The following LMX1B variants were observed in gnomAD, a reference collection of about 807,000 sequenced individuals.
LMX1B encodes the protein LIM homeobox transcription factor 1 beta.
LMX1B carries 12 observed loss-of-function variants against 51.4 expected under a neutral mutation model. The ratio of observed to expected loss-of-function variants is 0.23; its 90% confidence interval spans 0.15 to 0.38. The LOEUF is 0.38. Ranked by LOEUF, LMX1B falls within the 10% of genes least tolerant of loss-of-function variation. The pLI, the probability that LMX1B is intolerant of heterozygous loss-of-function variation, is 1.00. For missense variants in LMX1B, 445 were observed against 571.1 expected, an observed-to-expected ratio of 0.78 and a Z score of 2.25; for synonymous variants, 237 against 235.4, an observed-to-expected ratio of 1.01 and a Z score of -0.06.
chr9:126,693,702 G>A (rs756654861), intron 5 of LMX1B, 44 bp from the exon 6 acceptor site: 2 of 1,576,648 alleles, frequency 1.3e-6, no homozygotes, highest in South Asian at 1.1e-5. Flanking sequence ...GGCTGTGCCT[G>A]GGGGCGAGGG....
At chr9:126,685,189 G>A (rs1043201596) in intron 2 of LMX1B, among the ~76,000 whole-genome samples, 1 of 152,160 alleles carries the variant, frequency 6.6e-6, no homozygotes, top group Non-Finnish European at 1.5e-5. Context: ...GGATGAAGAG[G>A]AGTTTAGCAA....
chr9:126,632,420 G>C (rs1461891287), intron 2 of LMX1B, among the ~76,000 whole-genome samples: 6 of 152,136 alleles, frequency 3.9e-5, no homozygotes, highest in Non-Finnish European at 8.8e-5. Flanking sequence ...CTGGCGGAGG[G>C]GCTGCCGAGG....
rs1032022225 is a variant in LMX1B, at chr9:126,626,535, G to T, written c.326+10966G>T. Among the ~76,000 whole-genome samples the T allele has an allele frequency of 2.6e-5, 4 of 152,122 alleles. No individual in the cohort carries two copies. Among genetic ancestry groups the T allele is most frequent in the African/African-American group, 9.7e-5 (4 of 41,436 alleles). ...GCCAGAAGCCCTGAGCTCACCTCCC[G>T]CCCGTCCTCTCCTGGAGCCCCCTCT... On this transcript the variant is annotated intron_variant, in intron 2 of 7. Transcript: ENST00000373474. This position sits in a 1 kb window ranked among gnomAD's most constrained non-coding sequence, Gnocchi z 4.3.
intron 2 of LMX1B, among the ~76,000 whole-genome samples, chr9:126,644,473 G>A (rs1011784309): frequency 2.0e-5 from 3 of 152,100 alleles, no homozygotes; most frequent in Admixed American, 2.0e-4. Context: ...CTAGGACGGG[G>A]GTAGGGAGTG....
chr9:126,692,444 G>C (rs781611994), intron 3 of LMX1B, among the ~76,000 whole-genome samples: 7 of 152,250 alleles, frequency 4.6e-5, no homozygotes, highest in Non-Finnish European at 1.0e-4. Context: ...TGTGTGCATG[G>C]TGGGTGTGGC....
chr9:126,675,797 C>T (rs1483028578), intron 2 of LMX1B, among the ~76,000 whole-genome samples: 32 of 150,386 alleles, frequency 2.1e-4, no homozygotes, highest in Non-Finnish European at 4.4e-4. Flanking sequence ...CGCCTGTAAT[C>T]CCAGCACTTT....
At chr9:126,674,965 A>G (rs967888792) in intron 2 of LMX1B, among the ~76,000 whole-genome samples, 1 of 152,176 alleles carries the variant, frequency 6.6e-6, no homozygotes, top group Non-Finnish European at 1.5e-5. Context: ...TAAATGGCCC[A>G]CAAGACCGTC....
chr9:126,700,875 G>C lies in LMX1B; in HGVS notation c.*4424G>C, dbSNP rs536992137. 5.3e-5 allele frequency: 8 copies of C among 152,282 alleles called. No individual in the cohort carries two copies. Among genetic ancestry groups the C allele is most frequent in the African/African-American group, 1.9e-4 (8 of 41,544 alleles). 9.4% of individuals were successfully genotyped at this position (152,282 alleles called of 1,614,324 possible). ...CCAGACACATTTTATTTAATAACTT[G>C]TCATTGTTAAATTATTTATTAGCGT... On this transcript the variant is annotated 3_prime_UTR_variant, in exon 8 of 8. Coordinates refer to ENST00000373474, the MANE Select transcript of LMX1B (RefSeq NM_001174147.2).
chr9:126,654,319 C>G (rs546813495), intron 2 of LMX1B, among the ~76,000 whole-genome samples: 11 of 152,262 alleles, frequency 7.2e-5, no homozygotes, highest in South Asian at 2.1e-4. Flanking sequence ...ATGCCTCCCC[C>G]ACTCCAGCCC....
chr9:126,696,335 T>A lies in LMX1B; in HGVS notation c.1093T>A (p.Leu365Ile). Residue 365 changes from leucine to isoleucine, a missense_variant, in exon 8 of 8, where the codon TTA becomes ATA. By Grantham distance (5) the Leu-to-Ile change is conservative. Around this residue, in one of 3 missense-constraint regions of LMX1B, gnomAD observed 162 missense variants for 187.8 expected, o/e 0.86. Coordinates refer to ENST00000373474, the MANE Select transcript of LMX1B (RefSeq NM_001174147.2). ...IFHDIDSDTS[L>I]TSLSDCFLGS... ...CCATGACATCGACAGCGATACCTCC[T>A]TAACCAGCCTCAGCGACTGCTTCCT... The A allele has an allele frequency of 6.2e-7, 1 of 1,614,098 alleles. No homozygotes were observed. The highest frequency in any genetic ancestry group is 8.5e-7 in the Non-Finnish European group (1 of 1,179,996).
rs774459476 is a variant in LMX1B, at chr9:126,693,820, G to A, written c.886+8G>A. The A allele has an allele frequency of 1.4e-4, 169 of 1,248,520 alleles. No homozygotes were observed. Among genetic ancestry groups the A allele is most frequent in the Admixed American group, 3.6e-4 (18 of 50,600 alleles). 77.3% of individuals were successfully genotyped at this position (1,248,520 alleles called of 1,614,324 possible). A position where few individuals can be genotyped will look rare whatever the true frequency, so the allele number is the denominator to read the frequency against. ...CCCAGCGGCTGGGCCAGGGTGAGCCGGGGCCGGGGCAGGGCCTGGGCCAGG... is the reference window on the plus strand; with the variant it reads ...CCCAGCGGCTGGGCCAGGGTGAGCCAGGGCCGGGGCAGGGCCTGGGCCAGG... On this transcript the variant is annotated splice_region_variant and intron_variant, in intron 6 of 7. Transcript: ENST00000373474.
intron 3 of LMX1B, among the ~76,000 whole-genome samples, chr9:126,692,580 G>A (rs1216103335): frequency 1.3e-5 from 2 of 152,248 alleles, no homozygotes; most frequent in East Asian, 1.9e-4. Context: ...AGTTGCACGC[G>A]TGAGGGCCTT....
rs1383102345 is a variant in LMX1B at position 126,625,479 on chromosome 9, A to T, written c.326+9910A>T. Among the ~76,000 whole-genome samples the T allele has an allele frequency of 2.0e-5, 3 of 152,178 alleles. No individual in the cohort carries two copies. The highest frequency in any genetic ancestry group is 7.2e-5 in the African/African-American group (3 of 41,448). On this transcript the variant is annotated intron_variant, in intron 2 of 7. Coordinates refer to ENST00000373474, the MANE Select transcript of LMX1B (RefSeq NM_001174147.2). The surrounding 1 kb of genome is among the most constrained non-coding windows in gnomAD (Gnocchi z 5.3). Reference sequence around the variant, plus strand: ...CACCACCCCCATTAAAGCGGGATTGACCAGAAGAGAGAGGCCGAATGGAGA... The same window carrying T: ...CACCACCCCCATTAAAGCGGGATTGTCCAGAAGAGAGAGGCCGAATGGAGA...
intron 2 of LMX1B, among the ~76,000 whole-genome samples, chr9:126,676,202 T>C (rs1008183307): frequency 6.6e-6 from 1 of 152,142 alleles, no homozygotes; most frequent in Admixed American, 6.5e-5. Flanking sequence ...TCCTTGTTTC[T>C]CAGGACCTTT....
intron 2 of LMX1B, among the ~76,000 whole-genome samples, chr9:126,649,688 C>T (rs1835964855): frequency 6.6e-6 from 1 of 152,196 alleles, no homozygotes. Context: ...TGCAGTGGCG[C>T]AGTCTTGGCT....
chr9:126,674,488 T>C (rs917377070), intron 2 of LMX1B, among the ~76,000 whole-genome samples: 3 of 152,124 alleles, frequency 2.0e-5, no homozygotes, highest in Non-Finnish European at 4.4e-5. Context: ...GCTCCATCTG[T>C]CTCCTCTTGG....
At chr9:126,634,605 C>G (rs1305183636) in intron 2 of LMX1B, among the ~76,000 whole-genome samples, 1 of 152,006 alleles carries the variant, frequency 6.6e-6, no homozygotes, top group Non-Finnish European at 1.5e-5. Context: ...TCTGCACACC[C>G]CCCCCACAAT....
intron 2 of LMX1B, among the ~76,000 whole-genome samples, chr9:126,687,379 C>T (rs2029941376): frequency 2.0e-5 from 3 of 152,088 alleles, no homozygotes; most frequent in South Asian, 4.1e-4. Context: ...CAGGTGTGTG[C>T]CACCATACCC....
intron 2 of LMX1B, among the ~76,000 whole-genome samples, chr9:126,630,837 G>A (rs1384726945): frequency 6.6e-6 from 1 of 152,284 alleles, no homozygotes; most frequent in African/African-American, 2.4e-5. Context: ...CCATGGATGG[G>A]AGCGTGGCCA....
Sources: allele counts gnomAD v4.1 joint callset (sites outside exome capture counted in the v4.1 genomes callset), GRCh38; gene constraint gnomAD v4.1.1; regional missense constraint gnomAD v4.1.1; non-coding constraint Gnocchi (gnomAD v3.1); transcripts MANE v1.5; gene names NCBI Gene and HGNC (gene_info 2026-07-23, HGNC 2026-07-21).